Variants in BCAS1 observed in about 807,000 individuals in gnomAD.
BCAS1 encodes the protein brain enriched myelin associated protein 1, also known as breast carcinoma-amplified sequence 1.
A neutral mutation model predicts 65.4 loss-of-function variants in BCAS1; 46 were observed. That is an observed-to-expected ratio of 0.70 (90% CI 0.55 to 0.90). The LOEUF (loss-of-function observed/expected upper bound fraction) is 0.90, where lower values mean the gene tolerates loss of function less well. Among genes scored for constraint, BCAS1 ranks in the 40% least tolerant of loss-of-function variants. The pLI, the probability that BCAS1 is intolerant of heterozygous loss-of-function variation, is 0.00. For missense variants in BCAS1, 793 were observed against 771.2 expected (o/e 1.03, Z -0.33); for synonymous variants, 298 against 293.5 (o/e 1.02, Z -0.16).
chr20:54,046,528 CAA>C lies in BCAS1; in HGVS notation c.142+11555_142+11556del, dbSNP rs71196442. 4.7e-3 allele frequency among the ~76,000 whole-genome samples: 255 copies of C among 54,172 alleles called. 1 individual carries two copies. The highest frequency in any genetic ancestry group is 0.016 in the African/African-American group (243 of 14,962). The allele number at this position is 54,172 out of a possible 152,430, so 35.5% of individuals were successfully genotyped here. A position where few individuals can be genotyped will look rare whatever the true frequency, so the allele number is the denominator to read the frequency against. On this transcript the variant is annotated intron_variant, in intron 3 of 12. Coordinates refer to ENST00000688948, the MANE Select transcript of BCAS1 (RefSeq NM_001366298.2). Reference sequence around the variant, plus strand: ...TGGTGGACAGCGCGAGACTCCATCTCAAAAAAAAAAAAAAAAAAAAGAATTCA... The same window carrying C: ...TGGTGGACAGCGCGAGACTCCATCTCAAAAAAAAAAAAAAAAAAGAATTCA...
At chr20:54,051,896 G>A (rs560156111) in intron 3 of BCAS1, among the ~76,000 whole-genome samples, 4 of 151,914 alleles carry the variant, frequency 2.6e-5, no homozygotes, top group South Asian at 4.2e-4. Context: ...GTGTCACCAC[G>A]CCCAGCTAAT....
intron 10 of BCAS1, 23 bp downstream of exon 10, chr20:53,966,882 CT>C: frequency 6.3e-7 from 1 of 1,582,612 alleles, no homozygotes; most frequent in Non-Finnish European, 8.6e-7. Flanking sequence ...CTTAGGTTTC[CT>C]ATACTGGAAG....
intron 4 of BCAS1, among the ~76,000 whole-genome samples, chr20:54,001,840 C>T (rs923543161): frequency 1.2e-4 from 19 of 152,108 alleles, no homozygotes; most frequent in African/African-American, 3.6e-4. Context: ...GTCTGGGCAG[C>T]GGGCAAAAAT....
At chr20:54,004,275 G>A (rs1165199007) in intron 4 of BCAS1, among the ~76,000 whole-genome samples, 1 of 152,138 alleles carries the variant, frequency 6.6e-6, no homozygotes, top group Non-Finnish European at 1.5e-5. Flanking sequence ...ACCCAGAAGA[G>A]GGTCCTCACA....
chr20:53,959,077 C>T (rs1219190358), intron 10 of BCAS1, among the ~76,000 whole-genome samples: 1 of 152,114 alleles, frequency 6.6e-6, no homozygotes, highest in Non-Finnish European at 1.5e-5. Flanking sequence ...CAACTGTGCT[C>T]TTCTTTATTT....
At chr20:53,956,372 C>A (rs2089699699) in intron 11 of BCAS1, among the ~76,000 whole-genome samples, 2 of 152,206 alleles carry the variant, frequency 1.3e-5, no homozygotes, top group Admixed American at 1.3e-4. Context: ...CCAAACCCTG[C>A]TGATTTGGTT....
rs369297589 is a variant in BCAS1, at chr20:54,042,511, T to C, written c.143-13539A>G. Among the ~76,000 whole-genome samples, 22 of 152,352 alleles carry C rather than the reference T, an allele frequency of 1.4e-4. 1 individual carries two copies. Among genetic ancestry groups the C allele is most frequent in the East Asian group, 9.6e-4 (5 of 5,188 alleles). On this transcript the variant is annotated intron_variant, in intron 3 of 12. Transcript: ENST00000688948. ...GCTGTGCCCAACAGCACGTACAGTA[T>C]GTTTCCATTTGTTTTTAAAAAATGG...
intron 2 of BCAS1, 92 bp from the exon 3 acceptor site, chr20:54,058,246 C>A: frequency 8.5e-7 from 1 of 1,171,942 alleles, no homozygotes. Flanking sequence ...GGGTGTCTCA[C>A]AAAAAATTAA....
chr20:54,039,289 A>G (rs1203384148), intron 3 of BCAS1, among the ~76,000 whole-genome samples: 1 of 151,572 alleles, frequency 6.6e-6, no homozygotes, highest in Non-Finnish European at 1.5e-5. Context: ...CTGTACATTA[A>G]AAAGCCAGAA....
chr20:53,966,791 C>T lies in BCAS1; in HGVS notation c.1485+115G>A, dbSNP rs773492132. ...CACTATGCAATCCATATTCCATTCA[C>T]ATTCCATACACACCAGCTACAATTA... On this transcript the variant is annotated intron_variant, in intron 10 of 12. Coordinates refer to ENST00000688948, the MANE Select transcript of BCAS1 (RefSeq NM_001366298.2). The T allele has an allele frequency of 2.1e-5, 21 of 996,372 alleles. No individual in the cohort carries two copies. The Admixed American group carries it at 3.6e-4, about 17-fold the overall frequency. The allele number at this position is 996,372 out of a possible 1,614,324, so 61.7% of individuals were successfully genotyped here. A position where few individuals can be genotyped will look rare whatever the true frequency, so the allele number is the denominator to read the frequency against.
chr20:54,041,206 G>A (rs1339918932), intron 3 of BCAS1, among the ~76,000 whole-genome samples: 1 of 151,370 alleles, frequency 6.6e-6, no homozygotes, highest in Non-Finnish European at 1.5e-5. Context: ...AAAGGGTAGG[G>A]AGTTTTGTTT....
At chr20:54,047,875 C>T (rs572865766) in intron 3 of BCAS1, among the ~76,000 whole-genome samples, 3 of 152,322 alleles carry the variant, frequency 2.0e-5, no homozygotes, top group African/African-American at 7.2e-5. Flanking sequence ...CCATTGGTTA[C>T]TTGGTGTATG....
At position 53,967,747 on chromosome 20, in the gene BCAS1, T is replaced by G. The variant is rs1648761127; in HGVS notation, c.1318-674A>C. Among the ~76,000 whole-genome samples the G allele has an allele frequency of 2.0e-5, 3 of 152,214 alleles. No individual in the cohort carries two copies. The South Asian group carries it at 6.2e-4, about 32-fold the overall frequency. On this transcript the variant is annotated intron_variant, in intron 9 of 12. Transcript: ENST00000688948. The stretch of plus-strand genomic sequence containing the variant: ...GAGCTCGATTTCCTCTGCCTCTGAG[T>G]GTCTGTGGCGGCTTGGATGGAAGGG...
At chr20:54,004,410 T>C (rs2091135483) in intron 4 of BCAS1, among the ~76,000 whole-genome samples, 1 of 152,208 alleles carries the variant, frequency 6.6e-6, no homozygotes, top group Admixed American at 6.5e-5. Context: ...ACTAAGACAA[T>C]GTGCACTAGA....
intron 11 of BCAS1, among the ~76,000 whole-genome samples, chr20:53,954,171 T>C (rs974855531): frequency 6.6e-6 from 1 of 152,182 alleles, no homozygotes; most frequent in Non-Finnish European, 1.5e-5. Context: ...GAGAGGCTGG[T>C]TCCCTTTCTG....
chr20:54,016,164 T>G (rs1182680234), intron 4 of BCAS1, among the ~76,000 whole-genome samples: 6 of 152,226 alleles, frequency 3.9e-5, no homozygotes, highest in African/African-American at 1.4e-4. Context: ...TCTATTTTTA[T>G]GTCACCCTCG....
chr20:53,971,046 A>C (rs1202360175), intron 9 of BCAS1, among the ~76,000 whole-genome samples: 2 of 152,204 alleles, frequency 1.3e-5, no homozygotes, highest in Non-Finnish European at 2.9e-5. Context: ...AAAAAGGTCT[A>C]AACCAATCAA....
chr20:54,044,324 A>G (rs732344), intron 3 of BCAS1, among the ~76,000 whole-genome samples: 26,420 of 151,976 alleles, frequency 0.17, 2,399 homozygotes, highest in East Asian at 0.32. Flanking sequence ...CCATGTTTTT[A>G]TCTTTGGAGC....
intron 4 of BCAS1, among the ~76,000 whole-genome samples, chr20:54,001,700 A>C (rs992048104): frequency 6.6e-6 from 1 of 151,582 alleles, no homozygotes; most frequent in Non-Finnish European, 1.5e-5. Context: ...ACCTTAAAAA[A>C]CTCTAGCCTC....
Sources: gnomAD v4.1 joint callset for allele counts (sites outside exome capture counted in the v4.1 genomes callset) on GRCh38, gnomAD v4.1.1 for gene constraint, MANE v1.5 for transcripts, NCBI Gene and HGNC (gene_info 2026-07-23, HGNC 2026-07-21) for gene names.